PPFIA2: variants seen among roughly 807,000 people sequenced by gnomAD.
PPFIA2 encodes liprin-alpha-2.
PPFIA2 carries 46 observed loss-of-function variants against 175.5 expected under a neutral mutation model. The ratio of observed to expected loss-of-function variants is 0.26; its 90% CI spans 0.21 to 0.34. The LOEUF (loss-of-function observed/expected upper bound fraction) is 0.34. PPFIA2 is among the 10% of genes least tolerant of loss of function. The pLI, the probability that PPFIA2 is intolerant of heterozygous loss-of-function variation, is 1.00. For synonymous variants in PPFIA2, 568 were observed against 511.4 expected (o/e 1.11, Z -1.49); for missense variants, 1,179 against 1,506.1 (o/e 0.78, Z 3.60).
intron 7 of PPFIA2, among the ~76,000 whole-genome samples, chr12:81,408,743 A>C (rs1291383659): frequency 1.3e-5 from 2 of 152,222 alleles, no homozygotes; most frequent in Non-Finnish European, 2.9e-5. Context: ...CATAATTTTC[A>C]ACCACTAACA....
chr12:81,656,420 T>C (rs2067799368), intron 4 of PPFIA2, among the ~76,000 whole-genome samples: 1 of 152,126 alleles, frequency 6.6e-6, no homozygotes, highest in Non-Finnish European at 1.5e-5. Flanking sequence ...TGTTTCTGAA[T>C]AGGTGTATGC....
rs140887410 is a variant in PPFIA2, at chr12:81,721,452, AACACAC to A, written c.249+32515_249+32520del. The stretch of plus-strand genomic sequence containing the variant: ...TTAACACCTAATACACACACACATA[AACACAC>A]ACACACACACACAAACATACACACA... On this transcript the variant is annotated intron_variant, in intron 3 of 32. Coordinates refer to ENST00000549396, the MANE Select transcript of PPFIA2 (RefSeq NM_003625.5). Among the ~76,000 whole-genome samples the A allele has an allele frequency of 7.3e-4, 109 of 149,060 alleles. 2 individuals are homozygous for A. In the East Asian group the frequency reaches 0.016, roughly 21 times the overall value.
chr12:81,392,884 T>C lies in PPFIA2; in HGVS notation c.763-8640A>G, dbSNP rs1036571088. Among the ~76,000 whole-genome samples, 4 of 152,116 alleles carry C rather than the reference T, an allele frequency of 2.6e-5. No homozygotes were observed. The East Asian group carries it at 7.7e-4, about 29-fold the overall frequency. On this transcript the variant is annotated intron_variant, in intron 8 of 32. Coordinates refer to ENST00000549396, the MANE Select transcript of PPFIA2 (RefSeq NM_003625.5). ...GAGTCATCCTTGAGTTCTCTCTTTT[T>C]CTCCCATCTTTTATACAATCTATGA...
chr12:81,520,158 G>A (rs2062944392), intron 4 of PPFIA2, among the ~76,000 whole-genome samples: 1 of 152,140 alleles, frequency 6.6e-6, no homozygotes, highest in Non-Finnish European at 1.5e-5. Flanking sequence ...TCAGAAGAAG[G>A]ATCATCTGCT....
chr12:81,674,857 T>C (rs1208890666), intron 4 of PPFIA2, among the ~76,000 whole-genome samples: 4 of 151,878 alleles, frequency 2.6e-5, no homozygotes, highest in African/African-American at 7.2e-5. Flanking sequence ...CCTAGATACC[T>C]TAGATACTTA....
chr12:81,492,066 C>T (rs541218345), intron 4 of PPFIA2, among the ~76,000 whole-genome samples: 8 of 151,862 alleles, frequency 5.3e-5, no homozygotes, highest in East Asian at 1.9e-4. Flanking sequence ...ATTACAAGAT[C>T]GAGGCAGAAA....
At chr12:81,674,855 C>A (rs1269546865) in intron 4 of PPFIA2, among the ~76,000 whole-genome samples, 2 of 151,772 alleles carry the variant, frequency 1.3e-5, no homozygotes, top group African/African-American at 4.8e-5. Flanking sequence ...TACCTAGATA[C>A]CTTAGATACT....
chr12:81,753,662 T>C (rs2084201909), intron 3 of PPFIA2, among the ~76,000 whole-genome samples: 1 of 152,114 alleles, frequency 6.6e-6, no homozygotes, highest in South Asian at 2.1e-4. Flanking sequence ...TAAAACTATC[T>C]CCACATTCTG....
intron 23 of PPFIA2, among the ~76,000 whole-genome samples, chr12:81,297,586 A>C (rs1034750078): frequency 1.3e-5 from 2 of 152,228 alleles, no homozygotes; most frequent in African/African-American, 4.8e-5. Context: ...AGAAGATAGT[A>C]CTTGACTATT....
At chr12:81,684,899 G>T (rs570439710) in intron 3 of PPFIA2, among the ~76,000 whole-genome samples, 26 of 152,072 alleles carry the variant, frequency 1.7e-4, no homozygotes, top group African/African-American at 5.8e-4. Context: ...TTATTTAATA[G>T]TCAATAAACA....
intron 4 of PPFIA2, among the ~76,000 whole-genome samples, chr12:81,506,592 C>A (rs2061196150): frequency 6.6e-6 from 1 of 152,128 alleles, no homozygotes; most frequent in East Asian, 1.9e-4. Flanking sequence ...TATTCCTACA[C>A]TGTTTTGTTT....
intron 4 of PPFIA2, among the ~76,000 whole-genome samples, chr12:81,490,717 G>A (rs1482670209): frequency 6.6e-6 from 1 of 151,842 alleles, no homozygotes; most frequent in Non-Finnish European, 1.5e-5. Context: ...TGCCATTCCA[G>A]CACACTGTTT....
intron 3 of PPFIA2, among the ~76,000 whole-genome samples, chr12:81,734,106 C>G (rs1041968504): frequency 6.6e-6 from 1 of 151,750 alleles, no homozygotes; most frequent in Non-Finnish European, 1.5e-5. Flanking sequence ...CCACTGTTTC[C>G]TATTTCAGGG....
At chr12:81,707,035 G>C (rs1268567565) in intron 3 of PPFIA2, among the ~76,000 whole-genome samples, 1 of 152,054 alleles carries the variant, frequency 6.6e-6, no homozygotes, top group Admixed American at 6.5e-5. Context: ...ATGGATTAAA[G>C]ACTTAAACGT....
chr12:81,359,596 T>C (rs1184415168), intron 15 of PPFIA2, among the ~76,000 whole-genome samples: 2 of 151,886 alleles, frequency 1.3e-5, no homozygotes, highest in Non-Finnish European at 2.9e-5. Context: ...TAATAAGCAC[T>C]TCATAAATAT....
rs1355517414 is a variant in PPFIA2, at chr12:81,259,370, T to C, written c.*324A>G. 1 of 600,156 alleles carries C rather than the reference T, an allele frequency of 1.7e-6. No individual in the cohort carries two copies. Among genetic ancestry groups the C allele is most frequent in the Admixed American group, 2.3e-5 (1 of 43,822 alleles). 37.2% of individuals were successfully genotyped at this position (600,156 alleles called of 1,614,324 possible). A position where few individuals can be genotyped will look rare whatever the true frequency, so the allele number is the denominator to read the frequency against. ...TGCACGGTAATACATAAATGCCTAG[T>C]ATATTACAATAAAACATGAAAAACA... On this transcript the variant is annotated 3_prime_UTR_variant, in exon 33 of 33. Transcript: ENST00000549396.
In PPFIA2 at chr12:81,746,987, T is replaced by C. The variant is rs546514171; in HGVS notation, c.249+6986A>G. ...AAGGGACATGGAGAATATGAAAGCA[T>C]CACTAGATTTGCAAAATATTGGTGA... On this transcript the variant is annotated intron_variant, in intron 3 of 32. Transcript: ENST00000549396. 6.3e-5 allele frequency among the ~76,000 whole-genome samples: 9 copies of C among 143,812 alleles called. No homozygotes were observed. In the East Asian group the frequency reaches 1.1e-3, roughly 17 times the overall value. 94.3% of individuals were successfully genotyped at this position (143,812 alleles called of 152,430 possible).
At chr12:81,631,661 T>G (rs187656637) in intron 4 of PPFIA2, among the ~76,000 whole-genome samples, 11 of 152,340 alleles carry the variant, frequency 7.2e-5, no homozygotes, top group African/African-American at 2.6e-4. Context: ...AGATACCATT[T>G]CAACTAAGTT....
chr12:81,364,847 T>C (rs1370108841), intron 14 of PPFIA2, among the ~76,000 whole-genome samples: 1 of 151,804 alleles, frequency 6.6e-6, no homozygotes, highest in Non-Finnish European at 1.5e-5. Flanking sequence ...AGTCCAAGTT[T>C]TTTAGCCTGA....
Sources: allele counts gnomAD v4.1 joint callset (sites outside exome capture counted in the v4.1 genomes callset), GRCh38; gene constraint gnomAD v4.1.1; transcripts MANE v1.5; gene names NCBI Gene and HGNC (gene_info 2026-07-23, HGNC 2026-07-21).